SLC26A5: variants seen among roughly 807,000 people sequenced by gnomAD.
SLC26A5 encodes solute carrier family 26 member 5.
In SLC26A5, 51 loss-of-function variants were observed where a neutral mutation model predicts 81.0. The ratio of observed to expected loss-of-function variants is 0.63; its 90% confidence interval spans 0.50 to 0.80. The LOEUF is 0.80. Ranked by LOEUF, SLC26A5 falls within the 30% of genes least tolerant of loss-of-function variation. SLC26A5 has a pLI of 0.00. For missense variants in SLC26A5, 771 were observed against 905.8 expected (o/e 0.85, Z 1.91); for synonymous variants, 325 against 332.8 (o/e 0.98, Z 0.25).
At chr7:103,356,791 A>G (rs112011644) in intron 19 of SLC26A5, among the ~76,000 whole-genome samples, 15 of 152,318 alleles carry the variant, frequency 9.8e-5, no homozygotes, top group African/African-American at 3.6e-4. Flanking sequence ...AAATATACCA[A>G]TATTTCCATT....
chr7:103,411,689 T>A, intron 5 of SLC26A5, 103 bp from the exon 6 acceptor site: 1 of 1,310,744 alleles, frequency 7.6e-7, no homozygotes, highest in South Asian at 1.2e-5. Context: ...AAATCATGCT[T>A]GAAGGAAGGC....
At chr7:103,411,666 A>T in intron 5 of SLC26A5, 80 bp from the exon 6 acceptor site, 2 of 1,491,228 alleles carry the variant, frequency 1.3e-6, no homozygotes, top group South Asian at 2.3e-5. Context: ...CAAGAGACAA[A>T]GGTGAGGTCA....
At chr7:103,381,208 CCACA>C (rs1335873728) in intron 14 of SLC26A5, among the ~76,000 whole-genome samples, 4 of 151,224 alleles carry the variant, frequency 2.6e-5, no homozygotes, top group African/African-American at 9.7e-5. Context: ...ACACCTCATA[CCACA>C]CATATACACA....
intron 5 of SLC26A5, among the ~76,000 whole-genome samples, chr7:103,412,487 A>C (rs1336713429): frequency 6.6e-6 from 1 of 150,456 alleles, no homozygotes; most frequent in Non-Finnish European, 1.5e-5. Flanking sequence ...TGTCTTTTTT[A>C]TTATCCCAAG....
chr7:103,443,614 T>A (rs150917503), intron 1 of SLC26A5, among the ~76,000 whole-genome samples: 1 of 152,326 alleles, frequency 6.6e-6, no homozygotes, highest in East Asian at 1.9e-4. Context: ...ATGTTCAAGA[T>A]AAGAGTTGAT....
chr7:103,438,358 A>T (rs961152282), intron 2 of SLC26A5, among the ~76,000 whole-genome samples: 3 of 151,898 alleles, frequency 2.0e-5, no homozygotes, highest in African/African-American at 4.8e-5. Context: ...TCATAATTTT[A>T]AAAAAATTTC....
At chr7:103,379,110 T>C (rs768705055) in intron 16 of SLC26A5, 133 bp downstream of exon 16, 5 of 699,070 alleles carry the variant, frequency 7.2e-6, no homozygotes, top group Non-Finnish European at 1.3e-5. Flanking sequence ...ATGTTATGTA[T>C]ATTTTACTAC....
intron 14 of SLC26A5, among the ~76,000 whole-genome samples, chr7:103,384,309 T>C (rs554709273): frequency 6.6e-6 from 1 of 151,846 alleles, no homozygotes; most frequent in East Asian, 2.0e-4. Context: ...TTTTTGAAGA[T>C]GGATTATAAA....
rs199713335 is a variant in SLC26A5, at chr7:103,427,312, AG to A, written c.-53-5746del. Among the ~76,000 whole-genome samples the A allele has an allele frequency of 5.6e-3, 858 of 152,170 alleles. 10 individuals are homozygous for A. The highest frequency in any genetic ancestry group is 0.017 in the African/African-American group (686 of 41,508). On this transcript the variant is annotated intron_variant, in intron 2 of 19. Coordinates refer to ENST00000306312, the MANE Select transcript of SLC26A5 (RefSeq NM_198999.3). Reference sequence around the variant, plus strand: ...GGCTGTTCTCAAACTCTTGACCCTCAGGTGATTTGCCCACCTTGGCCTCCCA... The same window carrying A: ...GGCTGTTCTCAAACTCTTGACCCTCAGTGATTTGCCCACCTTGGCCTCCCA...
At chr7:103,407,826 A>G (rs1462861215) in intron 8 of SLC26A5, 25 bp downstream of exon 8, 4 of 1,613,312 alleles carry the variant, frequency 2.5e-6, no homozygotes, top group Non-Finnish European at 3.4e-6. Context: ...GAAGCCGAGT[A>G]GGTCACTGAC....
chr7:103,437,864 G>C (rs1038670361), intron 2 of SLC26A5, among the ~76,000 whole-genome samples: 6 of 152,194 alleles, frequency 3.9e-5, no homozygotes, highest in Non-Finnish European at 7.3e-5. Flanking sequence ...CGATTGCACA[G>C]CAGGAGGACT....
chr7:103,423,966 A>G (rs1825541389), intron 2 of SLC26A5, among the ~76,000 whole-genome samples: 1 of 152,204 alleles, frequency 6.6e-6, no homozygotes, highest in East Asian at 1.9e-4. Flanking sequence ...TCAAAATACA[A>G]GAATGACTGG....
intron 1 of SLC26A5, among the ~76,000 whole-genome samples, chr7:103,443,514 A>G (rs1827035211): frequency 6.6e-6 from 1 of 152,252 alleles, no homozygotes; most frequent in East Asian, 1.9e-4. Context: ...AATTGTGTCC[A>G]GAATGGGGCA....
chr7:103,390,927 G>A (rs1028269619), intron 11 of SLC26A5, among the ~76,000 whole-genome samples: 4 of 150,022 alleles, frequency 2.7e-5, no homozygotes, highest in Admixed American at 6.7e-5. Context: ...GTGCAGTGGC[G>A]CGACCCTGGC....
At chr7:103,404,090 G>C (rs1024408527) in intron 8 of SLC26A5, among the ~76,000 whole-genome samples, 4 of 152,120 alleles carry the variant, frequency 2.6e-5, no homozygotes, top group African/African-American at 7.2e-5. Context: ...GGCTGAAGCA[G>C]GAGAATTGCT....
At chr7:103,399,224 G>A (rs1586279925) in intron 8 of SLC26A5, among the ~76,000 whole-genome samples, 1 of 152,096 alleles carries the variant, frequency 6.6e-6, no homozygotes. Context: ...GGGAATCTGG[G>A]AAACAGAATT....
downstream of SLC26A5, among the ~76,000 whole-genome samples, chr7:103,372,357 T>C (rs1586192523): frequency 6.6e-6 from 1 of 152,218 alleles, no homozygotes; most frequent in African/African-American, 2.4e-5. Context: ...GACTACTTTC[T>C]CCTGGCAGTA....
chr7:103,394,697 G>T (rs117865814), intron 9 of SLC26A5, among the ~76,000 whole-genome samples: 1 of 152,128 alleles, frequency 6.6e-6, no homozygotes, highest in African/African-American at 2.4e-5. Context: ...ATAGAAGCAT[G>T]GTAGTTTGCC....
At chr7:103,433,980 C>T (rs138819259) in intron 2 of SLC26A5, among the ~76,000 whole-genome samples, 14 of 152,270 alleles carry the variant, frequency 9.2e-5, no homozygotes, top group African/African-American at 2.6e-4. Flanking sequence ...GGATTACAGG[C>T]GTGAGCCACT....
Sources: gnomAD v4.1 joint callset for allele counts (sites outside exome capture counted in the v4.1 genomes callset) on GRCh38, gnomAD v4.1.1 for gene constraint, MANE v1.5 for transcripts, NCBI Gene and HGNC (gene_info 2026-07-23, HGNC 2026-07-21) for gene names.